ZCWPW2: variants seen among roughly 807,000 people sequenced by gnomAD.
ZCWPW2 encodes zinc finger CW-type PWWP domain protein 2.
In ZCWPW2, 45 loss-of-function variants were observed where a neutral mutation model predicts 46.6. That is an observed-to-expected ratio of 0.96 (90% CI 0.76 to 1.24). The LOEUF (loss-of-function observed/expected upper bound fraction) is 1.24, where lower values mean the gene tolerates loss of function less well. ZCWPW2 is among the 50% of genes most tolerant of loss of function. ZCWPW2 has a pLI of 0.00. For synonymous variants in ZCWPW2, 152 were observed against 137.1 expected, an observed-to-expected ratio of 1.11 and a Z score of -0.76; for missense variants, 429 against 403.9, an observed-to-expected ratio of 1.06 and a Z score of -0.53.
rs1375051332 is a variant in ZCWPW2 at position 28,348,843 on chromosome 3, G to A, written c.-494G>A. ...GAAGGAGGGACGAGCCGAGGCAGGA[G>A]GGGCCGGGCCGACGCGAGAGAAGGC... On this transcript the variant is annotated 5_prime_UTR_variant, in exon 1 of 10. Coordinates refer to ENST00000383768, the MANE Select transcript of ZCWPW2 (RefSeq NM_001040432.4). The A allele has an allele frequency of 4.9e-6, 3 of 613,498 alleles. No homozygotes were observed. The highest frequency in any genetic ancestry group is 2.0e-5 in the African/African-American group (1 of 50,052). The allele number at this position is 613,498 out of a possible 1,614,324, so 38.0% of individuals were successfully genotyped here. A position where few individuals can be genotyped will look rare whatever the true frequency, so the allele number is the denominator to read the frequency against.
chr3:28,449,574 A>T (rs1245763971), intron 4 of ZCWPW2, among the ~76,000 whole-genome samples: 1 of 152,206 alleles, frequency 6.6e-6, no homozygotes, highest in East Asian at 1.9e-4. Context: ...AGCTTTCAAG[A>T]TGAAAACAGT....
intron 3 of ZCWPW2, chr3:28,428,028 G>A (rs925677871): frequency 3.3e-5 from 5 of 152,050 alleles, no homozygotes; most frequent in African/African-American, 1.2e-4. Context: ...TGCTGCCATG[G>A]AGTCTCCATT....
intron 2 of ZCWPW2, among the ~76,000 whole-genome samples, chr3:28,395,307 G>A (rs1695650237): frequency 6.6e-6 from 1 of 152,096 alleles, no homozygotes; most frequent in Non-Finnish European, 1.5e-5. Context: ...TAATGTAAAT[G>A]GGAATGTAAA....
In ZCWPW2 at chr3:28,427,928, A is replaced by G. The variant is rs7617407; in HGVS notation, c.333-7182A>G. 2.5e-3 allele frequency: 386 copies of G among 152,290 alleles called. 1 individual carries two copies. Among genetic ancestry groups the G allele is most frequent in the African/African-American group, 8.4e-3 (350 of 41,570 alleles). The allele number at this position is 152,290 out of a possible 1,614,324, so 9.4% of individuals were successfully genotyped here. On this transcript the variant is annotated intron_variant, in intron 3 of 9. Coordinates refer to ENST00000383768, the MANE Select transcript of ZCWPW2 (RefSeq NM_001040432.4). The stretch of plus-strand genomic sequence containing the variant: ...TACAGTTTTAACACTGTAATGTAAC[A>G]ATTATGGATTGGTTGCTTTTAAAAT...
At chr3:28,459,775 A>T (rs1698557817) in intron 4 of ZCWPW2, among the ~76,000 whole-genome samples, 1 of 152,166 alleles carries the variant, frequency 6.6e-6, no homozygotes, top group Admixed American at 6.5e-5. Context: ...GGTGATATAA[A>T]AATTGTTTTC....
chr3:28,480,918 T>A (rs1030472761), intron 5 of ZCWPW2, among the ~76,000 whole-genome samples: 2 of 146,750 alleles, frequency 1.4e-5, no homozygotes, highest in Non-Finnish European at 3.0e-5. Context: ...CAGGCTGGAG[T>A]GCAATGGCGC....
intron 1 of ZCWPW2, among the ~76,000 whole-genome samples, chr3:28,365,411 C>T (rs1389014728): frequency 7.1e-6 from 1 of 141,142 alleles, no homozygotes; most frequent in Non-Finnish European, 1.6e-5. Context: ...GGAATCGTTT[C>T]CCCATTGCTT....
chr3:28,364,668 A>T (rs557867708), intron 1 of ZCWPW2, among the ~76,000 whole-genome samples: 1 of 151,636 alleles, frequency 6.6e-6, no homozygotes, highest in African/African-American at 2.4e-5. Context: ...TTATACTTTA[A>T]GTTTTAGGGT....
Position 28,364,030 on chromosome 3 carries a change from C to T in ZCWPW2, c.-134+14827C>T, listed in dbSNP as rs140911076. ...ATAGTCTTCCTATAATCCATACTGT[C>T]CTAATCCATATTCAGTTAGTCATCT... On this transcript the variant is annotated intron_variant, in intron 1 of 9. Transcript: ENST00000383768. 7.0e-3 allele frequency among the ~76,000 whole-genome samples: 1,062 copies of T among 152,256 alleles called. 8 individuals are homozygous for T. Among genetic ancestry groups the T allele is most frequent in the Non-Finnish European group, 8.6e-3 (585 of 68,012 alleles).
At chr3:28,356,578 A>G (rs1372923614) in intron 1 of ZCWPW2, among the ~76,000 whole-genome samples, 1 of 152,232 alleles carries the variant, frequency 6.6e-6, no homozygotes, top group African/African-American at 2.4e-5. Flanking sequence ...GGCACTATTC[A>G]CGATAGCAAA....
chr3:28,434,428 T>A (rs1009508403), intron 3 of ZCWPW2, among the ~76,000 whole-genome samples: 1 of 152,132 alleles, frequency 6.6e-6, no homozygotes, highest in Non-Finnish European at 1.5e-5. Context: ...ATGAAACATA[T>A]CAATAAATTT....
chr3:28,433,755 T>TAAAAAAA (rs573649203), intron 3 of ZCWPW2, among the ~76,000 whole-genome samples: 6 of 133,492 alleles, frequency 4.5e-5, no homozygotes, highest in East Asian at 2.1e-4. Flanking sequence ...GACTCCCTCT[T>TAAAAAAA]AAAAAAAAAA....
At chr3:28,392,261 G>A in intron 2 of ZCWPW2, among the ~76,000 whole-genome samples, 1 of 152,092 alleles carries the variant, frequency 6.6e-6, no homozygotes, top group Non-Finnish European at 1.5e-5. Context: ...TCATCAAGAA[G>A]ATATAACATC....
chr3:28,400,064 GA>G (rs1431235134), intron 2 of ZCWPW2, among the ~76,000 whole-genome samples: 3 of 152,046 alleles, frequency 2.0e-5, no homozygotes, highest in Admixed American at 6.6e-5. Context: ...AACATTCAGG[GA>G]AATAGATAGC....
intron 4 of ZCWPW2, among the ~76,000 whole-genome samples, chr3:28,444,333 C>G (rs1243007335): frequency 6.6e-6 from 1 of 152,110 alleles, no homozygotes; most frequent in African/African-American, 2.4e-5. Context: ...GAGGGTGGCT[C>G]CTGAGGAGAA....
intron 2 of ZCWPW2, among the ~76,000 whole-genome samples, chr3:28,393,682 C>G (rs1695583926): frequency 6.6e-6 from 1 of 151,994 alleles, no homozygotes; most frequent in Non-Finnish European, 1.5e-5. Context: ...GAATGAGGAA[C>G]AAACATTATA....
intron 1 of ZCWPW2, among the ~76,000 whole-genome samples, chr3:28,377,093 A>G (rs1474237022): frequency 6.6e-6 from 1 of 151,234 alleles, no homozygotes; most frequent in Non-Finnish European, 1.5e-5. Context: ...GTATTTTGTT[A>G]GTGATTTCTT....
chr3:28,438,890 A>G (rs1265576678), intron 4 of ZCWPW2, among the ~76,000 whole-genome samples: 1 of 152,022 alleles, frequency 6.6e-6, no homozygotes, highest in Non-Finnish European at 1.5e-5. Flanking sequence ...AACTGAAATG[A>G]AAAGTTCACT....
Position 28,364,969 on chromosome 3 carries a change from C to A in ZCWPW2, c.-134+15766C>A, listed in dbSNP as rs537732763. ...TTTTGGCTGAAGTGTCTGTTCATAT[C>A]CTTTGCCCACTTTTTGATGGGGTTG... On this transcript the variant is annotated intron_variant, in intron 1 of 9. Transcript: ENST00000383768. Among the ~76,000 whole-genome samples the A allele has an allele frequency of 3.3e-5, 5 of 151,954 alleles. No individual in the cohort carries two copies. In the East Asian group the frequency reaches 9.7e-4, roughly 29 times the overall value.
Sources: gnomAD v4.1 joint callset for allele counts (sites outside exome capture counted in the v4.1 genomes callset) on GRCh38, gnomAD v4.1.1 for gene constraint, MANE v1.5 for transcripts, NCBI Gene and HGNC (gene_info 2026-07-23, HGNC 2026-07-21) for gene names.